Variants in NOX3 observed in about 807,000 individuals in gnomAD.
NOX3 encodes NADPH oxidase 3, also known as NADPH oxidase catalytic subunit-like 3.
In NOX3, 74 loss-of-function variants were observed where a neutral mutation model predicts 76.7. The ratio of observed to expected loss-of-function variants is 0.96; its 90% CI spans 0.80 to 1.17. The LOEUF is 1.17. NOX3 is among the 50% of genes most tolerant of loss of function. NOX3 has a pLI of 0.00. For missense variants in NOX3, 695 were observed against 703.3 expected (o/e 0.99, Z 0.13); for synonymous variants, 263 against 261.1 (o/e 1.01, Z -0.07).
At chr6:155,444,231 A>G (rs1777032199) in intron 4 of NOX3, among the ~76,000 whole-genome samples, 1 of 152,200 alleles carries the variant, frequency 6.6e-6, no homozygotes, top group Non-Finnish European at 1.5e-5. Flanking sequence ...GAAAATATTG[A>G]ATGGAAAATT....
intron 5 of NOX3, among the ~76,000 whole-genome samples, chr6:155,441,904 C>T (rs1175183697): frequency 2.6e-5 from 4 of 152,254 alleles, no homozygotes; most frequent in African/African-American, 9.6e-5. Context: ...CATCCCCACT[C>T]ATAAGGGCAG....
Position 155,440,108 on chromosome 6 carries a change from T to C in NOX3, c.516A>G (p.Ile172Met). Reference protein sequence around the residue: ...TNTTTELLRTIAGVTGLVISL... With the variant: ...TNTTTELLRTMAGVTGLVISL... The stretch of plus-strand genomic sequence containing the variant: ...AGATCACCAGACCGGTGACGCCTGC[T>C]ATTGTCCTTAGCAATTCAGTGGTTG... The change falls in exon 6 of 14, where the codon ATA becomes ATG. Residue 172 changes from isoleucine to methionine, a missense_variant. By Grantham distance (10) the Ile-to-Met change is conservative. Coordinates refer to ENST00000159060, the MANE Select transcript of NOX3 (RefSeq NM_015718.3). The C allele has an allele frequency of 1.2e-6, 2 of 1,610,732 alleles. No individual in the cohort carries two copies. The highest frequency in any genetic ancestry group is 1.1e-5 in the South Asian group (1 of 90,074).
intron 5 of NOX3, among the ~76,000 whole-genome samples, chr6:155,442,055 G>C (rs1776996372): frequency 6.6e-6 from 1 of 152,166 alleles, no homozygotes; most frequent in Non-Finnish European, 1.5e-5. Flanking sequence ...ACGAGGTCAG[G>C]CGATCAAGAC....
chr6:155,421,299 T>C (rs1776685761), intron 10 of NOX3, among the ~76,000 whole-genome samples: 1 of 152,300 alleles, frequency 6.6e-6, no homozygotes, highest in South Asian at 2.1e-4. Flanking sequence ...AAACAGGCCT[T>C]GTGTTACTTA....
At chr6:155,417,512 T>C (rs2294675) in intron 10 of NOX3, among the ~76,000 whole-genome samples, 11,143 of 152,208 alleles carry the variant, frequency 0.073, 449 homozygotes, top group East Asian at 0.14. Context: ...TGAGGGCTGA[T>C]GGGGTACTGA....
chr6:155,399,672 T>C (rs1287001294), intron 12 of NOX3, among the ~76,000 whole-genome samples: 2 of 151,864 alleles, frequency 1.3e-5, no homozygotes, highest in African/African-American at 2.4e-5. Context: ...ATGCATACTG[T>C]GAATCACAGG....
At chr6:155,420,621 A>C (rs972510410) in intron 10 of NOX3, among the ~76,000 whole-genome samples, 1 of 152,162 alleles carries the variant, frequency 6.6e-6, no homozygotes, top group African/African-American at 2.4e-5. Flanking sequence ...AATATTACCT[A>C]TCTGAATGAG....
chr6:155,453,534 G>T, intron 3 of NOX3, 46 bp from the exon 4 acceptor site: 1 of 1,394,904 alleles, frequency 7.2e-7, no homozygotes, highest in Non-Finnish European at 1.0e-6. Context: ...AAATTGCAGT[G>T]AAAACAATCT....
intron 4 of NOX3, among the ~76,000 whole-genome samples, chr6:155,450,556 T>G (rs991338594): frequency 1.8e-4 from 27 of 151,984 alleles, no homozygotes; most frequent in African/African-American, 6.3e-4. Context: ...GCCCTGGAGG[T>G]GATCAGCTTC....
chr6:155,431,416 AC>A (rs1723123790), intron 7 of NOX3, among the ~76,000 whole-genome samples: 2 of 148,630 alleles, frequency 1.3e-5, no homozygotes, highest in Admixed American at 1.4e-4. Flanking sequence ...ACACAGAAAC[AC>A]ACACACACAC....
At chr6:155,398,007 G>C (rs573065826) in intron 12 of NOX3, among the ~76,000 whole-genome samples, 62 of 152,190 alleles carry the variant, frequency 4.1e-4, no homozygotes, top group African/African-American at 1.2e-3. Flanking sequence ...ATCTGCACAG[G>C]GTTTCAAAGT....
chr6:155,429,223 A>G (rs1293575705), intron 8 of NOX3, among the ~76,000 whole-genome samples, 176 bp from the exon 9 acceptor site: 3 of 152,128 alleles, frequency 2.0e-5, no homozygotes, highest in Non-Finnish European at 2.9e-5. Context: ...TGTGTTTGCA[A>G]CTCCAGCAAG....
At chr6:155,422,907 G>A (rs373395726) in intron 9 of NOX3, 51 bp from the exon 10 acceptor site, 1,911 of 1,594,872 alleles carry the variant, frequency 1.2e-3, no homozygotes, top group South Asian at 2.3e-3. Flanking sequence ...CACCTTGCTC[G>A]TGAACCCAGA....
chr6:155,446,994 G>A (rs1020706948), intron 4 of NOX3, among the ~76,000 whole-genome samples: 7 of 151,080 alleles, frequency 4.6e-5, no homozygotes, highest in African/African-American at 1.5e-4. Context: ...GGCAGGATAC[G>A]TTTTTTATAT....
intron 10 of NOX3, 91 bp from the exon 11 acceptor site, chr6:155,411,451 G>A (rs746029070): frequency 8.9e-5 from 107 of 1,206,608 alleles, no homozygotes; most frequent in Middle Eastern, 2.0e-4. Context: ...AATTATTTGA[G>A]CCCAAATGGG....
intron 7 of NOX3, 47 bp from the exon 8 acceptor site, chr6:155,430,982 A>G: frequency 1.7e-6 from 2 of 1,186,266 alleles, no homozygotes; most frequent in Non-Finnish European, 2.5e-6. Context: ...TGAAAATAGA[A>G]TCCAAATATT....
At chr6:155,422,947 C>T (rs1390587983) in intron 9 of NOX3, 91 bp from the exon 10 acceptor site, 42 of 1,364,334 alleles carry the variant, frequency 3.1e-5, no homozygotes, top group Middle Eastern at 2.4e-4. Context: ...TTTTACAGGA[C>T]GTGTTTGCCA....
intron 7 of NOX3, among the ~76,000 whole-genome samples, chr6:155,435,900 T>C (rs2114699496): frequency 1.3e-5 from 2 of 152,370 alleles, no homozygotes; most frequent in South Asian, 4.1e-4. Flanking sequence ...ATTATTTCAG[T>C]TACAGGAGCT....
At chr6:155,412,851 C>CA (rs900136219) in intron 10 of NOX3, among the ~76,000 whole-genome samples, 1 of 151,526 alleles carries the variant, frequency 6.6e-6, no homozygotes, top group African/African-American at 2.4e-5. Context: ...AAGACAGGGC[C>CA]AAAAAAAATT....
Sources: allele counts gnomAD v4.1 joint callset (sites outside exome capture counted in the v4.1 genomes callset), GRCh38; gene constraint gnomAD v4.1.1; transcripts MANE v1.5; gene names NCBI Gene and HGNC (gene_info 2026-07-23, HGNC 2026-07-21).